Variants in CSMD3 observed in about 807,000 individuals in gnomAD.
CSMD3 encodes CUB and Sushi multiple domains 3, also known as CUB and sushi domain-containing protein 3.
A neutral mutation model predicts 435.2 loss-of-function variants in CSMD3; 177 were observed. The ratio of observed to expected loss-of-function variants is 0.41; its 90% confidence interval spans 0.36 to 0.46. The LOEUF (loss-of-function observed/expected upper bound fraction) is 0.46. Among genes scored for constraint, CSMD3 ranks in the 20% least tolerant of loss-of-function variants. The pLI is 0.34. For synonymous variants in CSMD3, 1,656 were observed against 1,520.5 expected (o/e 1.09, Z -2.07); for missense variants, 4,265 against 4,504.6 (o/e 0.95, Z 1.52).
At chr8:113,053,423 A>G (rs1312082041) in intron 5 of CSMD3, among the ~76,000 whole-genome samples, 2 of 152,086 alleles carry the variant, frequency 1.3e-5, no homozygotes, top group Admixed American at 6.6e-5. Context: ...GTAGGAATAT[A>G]TTCATGTTTT....
At position 112,920,992 on chromosome 8, in the gene CSMD3, C is replaced by T. The variant is rs866918715; in HGVS notation, c.1633+635G>A. On this transcript the variant is annotated intron_variant, in intron 10 of 70. Coordinates refer to ENST00000297405, the MANE Select transcript of CSMD3 (RefSeq NM_198123.2). ...ATATATATATGTACACACATACGCG[C>T]GCGCGCACACACACACACACACACA... is the stretch of plus-strand genomic sequence containing the variant. Among the ~76,000 whole-genome samples the T allele has an allele frequency of 2.6e-3, 309 of 118,564 alleles. 3 individuals are homozygous for T. The highest frequency in any genetic ancestry group is 8.7e-3 in the African/African-American group (233 of 26,742). 77.8% of individuals were successfully genotyped at this position (118,564 alleles called of 152,430 possible).
Position 112,313,948 on chromosome 8 carries a change from C to G in CSMD3, c.7654G>C (p.Asp2552His), listed in dbSNP as rs2130830883. ...AAGCCTTTTTTGTTATTGCCATGAT[C>G]TGCTGACCACTGAAGAAATACTTCA... ...GHEVFLQWSA[D>H]HGNNKKGFRI... Residue 2552 changes from aspartate (D) to histidine (H), a missense_variant, in exon 49 of 71, where the codon GAT becomes CAT. Asp to His is a moderately conservative substitution (Grantham distance 81, BLOSUM62 -1). Coordinates refer to ENST00000297405, the MANE Select transcript of CSMD3 (RefSeq NM_198123.2). 1 of 1,612,340 alleles carries G rather than the reference C, an allele frequency of 6.2e-7. No homozygotes were observed. Among genetic ancestry groups the G allele is most frequent in the South Asian group, 1.1e-5 (1 of 91,056 alleles).
chr8:113,150,121 T>G (rs1362939987), intron 4 of CSMD3, among the ~76,000 whole-genome samples: 1 of 151,972 alleles, frequency 6.6e-6, no homozygotes, highest in Non-Finnish European at 1.5e-5. Flanking sequence ...TTTCTTCCTC[T>G]TTAGCATACT....
chr8:112,623,440 T>A (rs1243131377), intron 22 of CSMD3, among the ~76,000 whole-genome samples: 1 of 152,150 alleles, frequency 6.6e-6, no homozygotes, highest in Non-Finnish European at 1.5e-5. Context: ...AATTCTCACA[T>A]CATAGTGTCA....
intron 1 of CSMD3, among the ~76,000 whole-genome samples, chr8:113,417,211 A>G (rs913579139): frequency 1.3e-4 from 20 of 152,152 alleles, no homozygotes; most frequent in Non-Finnish European, 2.7e-4. Context: ...AAGAAGAAAT[A>G]TAAAAACATC....
intron 2 of CSMD3, among the ~76,000 whole-genome samples, chr8:113,293,236 CAT>C (rs34334494): frequency 1.3e-5 from 2 of 148,974 alleles, no homozygotes; most frequent in African/African-American, 4.9e-5. Flanking sequence ...TATATATATA[CAT>C]ATATATATAT....
intron 4 of CSMD3, among the ~76,000 whole-genome samples, chr8:113,162,932 A>G (rs941491042): frequency 6.6e-6 from 1 of 152,154 alleles, no homozygotes; most frequent in Non-Finnish European, 1.5e-5. Flanking sequence ...TTGATCTTCC[A>G]TGGCATTATA....
At chr8:112,842,776 AAG>A (rs2080217522) in intron 11 of CSMD3, among the ~76,000 whole-genome samples, 1 of 151,786 alleles carries the variant, frequency 6.6e-6, no homozygotes. Flanking sequence ...AAAATATAGA[AAG>A]GACATACAAT....
At chr8:113,239,691 G>A (rs2093191802) in intron 3 of CSMD3, among the ~76,000 whole-genome samples, 1 of 151,832 alleles carries the variant, frequency 6.6e-6, no homozygotes, top group South Asian at 2.1e-4. Context: ...GGAGTTTCGT[G>A]GTAGTAAAAG....
chr8:112,932,546 A>G (rs2083145280), intron 9 of CSMD3, among the ~76,000 whole-genome samples: 1 of 152,044 alleles, frequency 6.6e-6, no homozygotes, highest in Non-Finnish European at 1.5e-5. Context: ...GCTGAGGCAG[A>G]AGAATGGCAT....
In CSMD3 at chr8:112,319,968, C is replaced by T. The variant is rs1166342123; in HGVS notation, c.7179G>A (p.Arg2393=). 3 of 1,611,322 alleles carry T rather than the reference C, an allele frequency of 1.9e-6. No individual in the cohort carries two copies. Among genetic ancestry groups the T allele is most frequent in the Admixed American group, 3.3e-5 (2 of 59,846 alleles). The change falls in exon 46 of 71, where the codon AGG becomes AGA. Residue 2393 remains arginine, a synonymous_variant. Transcript: ENST00000297405. ...FVLSYHAYQL[R]VCQPPPPVPN... is the part of the protein sequence containing the mutation. ...GCACAGGTGGTGGAGGTTGGCACAC[C>T]CTTAGTTGATAGGCTACAAAAATAA...
At chr8:113,111,214 A>G (rs1424639215) in intron 4 of CSMD3, among the ~76,000 whole-genome samples, 9 of 152,262 alleles carry the variant, frequency 5.9e-5, no homozygotes, top group African/African-American at 2.2e-4. Flanking sequence ...TAAATTAAAT[A>G]TTGTTTTAAT....
At chr8:112,603,819 A>G (rs1360648535) in intron 22 of CSMD3, among the ~76,000 whole-genome samples, 1 of 152,162 alleles carries the variant, frequency 6.6e-6, no homozygotes, top group African/African-American at 2.4e-5. Flanking sequence ...GTGAACCTAA[A>G]TAGTTCAAAC....
chr8:112,811,046 T>C (rs2132386486), intron 12 of CSMD3, among the ~76,000 whole-genome samples: 1 of 152,154 alleles, frequency 6.6e-6, no homozygotes, highest in East Asian at 1.9e-4. Context: ...TTAAAGGTTA[T>C]TCCTTCAAGG....
intron 22 of CSMD3, among the ~76,000 whole-genome samples, chr8:112,591,535 T>C (rs1410711746): frequency 1.3e-5 from 2 of 152,146 alleles, no homozygotes; most frequent in East Asian, 1.9e-4. Context: ...ATCAGTAAAC[T>C]TCATAGTTAC....
chr8:112,334,410 T>C (rs1289109172), intron 45 of CSMD3, among the ~76,000 whole-genome samples: 1 of 152,204 alleles, frequency 6.6e-6, no homozygotes, highest in Non-Finnish European at 1.5e-5. Flanking sequence ...GCTACTTGTA[T>C]ATTAAAAAGG....
chr8:112,984,282 G>A (rs1202043220), intron 6 of CSMD3, among the ~76,000 whole-genome samples: 1 of 151,668 alleles, frequency 6.6e-6, no homozygotes, highest in Non-Finnish European at 1.5e-5. Context: ...TTCATTTAGA[G>A]AATATAAGTA....
rs2090252720 is a variant in CSMD3, at chr8:113,099,066, C to T, written c.710-103G>A. On this transcript the variant is annotated intron_variant, in intron 4 of 70. Coordinates refer to ENST00000297405, the MANE Select transcript of CSMD3 (RefSeq NM_198123.2). Reference sequence around the variant, plus strand: ...ATATGTTTGGATAAAAATAACAGTTCAAATGTGATACCAAGTGCATAATAT... The same window carrying T: ...ATATGTTTGGATAAAAATAACAGTTTAAATGTGATACCAAGTGCATAATAT... The T allele has an allele frequency of 2.5e-5, 19 of 762,762 alleles. No individual in the cohort carries two copies. In the South Asian group the frequency reaches 2.7e-4, roughly 11 times the overall value. The allele number at this position is 762,762 out of a possible 1,614,324, so 47.2% of individuals were successfully genotyped here.
intron 13 of CSMD3, among the ~76,000 whole-genome samples, chr8:112,705,336 G>C (rs2076475724): frequency 1.3e-5 from 2 of 151,928 alleles, no homozygotes; most frequent in South Asian, 4.1e-4. Flanking sequence ...CTCTACCTTT[G>C]ACTAGTGTTC....
Sources: gnomAD v4.1 joint callset for allele counts (sites outside exome capture counted in the v4.1 genomes callset) on GRCh38, gnomAD v4.1.1 for gene constraint, MANE v1.5 for transcripts, NCBI Gene and HGNC (gene_info 2026-07-23, HGNC 2026-07-21) for gene names.